DNAH8: variants seen among roughly 807,000 people sequenced by gnomAD.
DNAH8 encodes axonemal beta dynein heavy chain 8.
DNAH8 carries 382 observed loss-of-function variants against 562.1 expected under a neutral mutation model. The ratio of observed to expected loss-of-function variants is 0.68; its 90% CI spans 0.63 to 0.74. DNAH8 has a LOEUF of 0.74. Ranked by LOEUF, DNAH8 falls within the 30% of genes least tolerant of loss-of-function variation. The pLI is 0.00. For missense variants in DNAH8, 5,203 were observed against 5,620.4 expected, an observed-to-expected ratio of 0.93 and a Z score of 2.37; for synonymous variants, 1,881 against 1,919.4, an observed-to-expected ratio of 0.98 and a Z score of 0.52.
intron 88 of DNAH8, among the ~76,000 whole-genome samples, chr6:38,994,409 C>T (rs1764994367): frequency 6.6e-6 from 1 of 151,098 alleles, no homozygotes; most frequent in Admixed American, 6.6e-5. Context: ...TTTATGACTA[C>T]ATAAATTCTG....
rs1217668162 is a variant in DNAH8 at position 39,030,348 on chromosome 6, C to T, written c.14080C>T (p.His4694Tyr). The T allele has an allele frequency of 6.2e-7, 1 of 1,614,202 alleles. No individual in the cohort carries two copies. Among genetic ancestry groups the T allele is most frequent in the Non-Finnish European group, 8.5e-7 (1 of 1,180,028 alleles). ...VYLRTVLSPDHWILRGVALLC... is the reference protein window; with the variant it reads ...VYLRTVLSPDYWILRGVALLC... ...TTTACGAACAGTGTTGTCCCCGGAT[C>T]ACTGGATCCTGAGAGGAGTGGCCCT... The change falls in exon 93 of 93, where the codon CAC becomes TAC. Residue 4694 changes from histidine to tyrosine, a missense_variant. His to Tyr is a moderately conservative substitution (Grantham distance 83, BLOSUM62 2). Transcript: ENST00000327475.
intron 66 of DNAH8, 32 bp from the exon 67 acceptor site, chr6:38,913,817 C>G: frequency 5.7e-6 from 8 of 1,403,802 alleles, no homozygotes; most frequent in East Asian, 2.3e-5. Context: ...TACCTGTACT[C>G]AGTAAAGGTA....
intron 63 of DNAH8, among the ~76,000 whole-genome samples, chr6:38,907,127 A>G (rs1009534057): frequency 3.9e-5 from 6 of 152,250 alleles, no homozygotes; most frequent in African/African-American, 1.4e-4. Context: ...GCAACACAGT[A>G]AGGATACAGA....
chr6:38,764,926 C>A (rs970465031), intron 11 of DNAH8, among the ~76,000 whole-genome samples: 1 of 152,124 alleles, frequency 6.6e-6, no homozygotes, highest in Non-Finnish European at 1.5e-5. Flanking sequence ...CCTCTGCCTC[C>A]CAGGTTCAAG....
At chr6:38,771,449 A>G (rs1257297436) in intron 12 of DNAH8, among the ~76,000 whole-genome samples, 1 of 152,216 alleles carries the variant, frequency 6.6e-6, no homozygotes, top group Non-Finnish European at 1.5e-5. Context: ...AATGTTTTCT[A>G]GTGTATTAAC....
chr6:38,866,321 C>T (rs1055820493), intron 45 of DNAH8, among the ~76,000 whole-genome samples: 1 of 152,034 alleles, frequency 6.6e-6, no homozygotes, highest in Non-Finnish European at 1.5e-5. Context: ...CCAGCAGACA[C>T]AATTTTCTAT....
intron 53 of DNAH8, among the ~76,000 whole-genome samples, chr6:38,881,410 A>T (rs1379419144): frequency 6.6e-6 from 1 of 152,252 alleles, no homozygotes; most frequent in Non-Finnish European, 1.5e-5. Context: ...TAAACGTATC[A>T]ATGAAAGTAA....
chr6:38,734,480 GT>G lies in DNAH8; in HGVS notation c.618del (p.Arg207GlufsTer12), dbSNP rs754001184. The G allele has an allele frequency of 3.0e-5, 49 of 1,613,524 alleles. No individual in the cohort carries two copies. Among genetic ancestry groups the G allele is most frequent in the Non-Finnish European group, 3.9e-5 (46 of 1,179,898 alleles). ...QEGDVPGIEC[G>X]RTIAGATKGA... ...TCTTGACTTTTGTTTTCAGAATGTG[GT>G]CGAACTATTGCTGGAGCAACTAAAG... On this transcript the variant is annotated frameshift_variant, in exon 5 of 93. Coordinates refer to ENST00000327475, the MANE Select transcript of DNAH8 (RefSeq NM_001206927.2). LOFTEE classifies it high-confidence loss of function.
At chr6:38,850,228 A>G (rs1775635237) in intron 37 of DNAH8, 23 bp from the exon 38 acceptor site, 1 of 1,604,818 alleles carries the variant, frequency 6.2e-7, no homozygotes, top group South Asian at 1.1e-5. Context: ...GCTAATCTTT[A>G]CTGGCTATGG....
intron 17 of DNAH8, among the ~76,000 whole-genome samples, chr6:38,783,546 C>T (rs550099332): frequency 5.1e-4 from 78 of 152,300 alleles, no homozygotes; most frequent in African/African-American, 1.9e-3. Context: ...TCCTGTGTCT[C>T]TCCTTTACTT....
intron 41 of DNAH8, among the ~76,000 whole-genome samples, chr6:38,855,380 A>G (rs1276816460): frequency 6.6e-6 from 1 of 152,238 alleles, no homozygotes; most frequent in Non-Finnish European, 1.5e-5. Flanking sequence ...TAAAATAAAA[A>G]TAAAATAAAA....
chr6:38,794,027 T>A (rs1368585045), intron 21 of DNAH8, among the ~76,000 whole-genome samples: 2 of 152,228 alleles, frequency 1.3e-5, no homozygotes, highest in Admixed American at 6.5e-5. Flanking sequence ...TTTTACCAAG[T>A]TGGGACAACT....
chr6:38,913,117 CT>C (rs2150534371), intron 66 of DNAH8, among the ~76,000 whole-genome samples: 1 of 152,272 alleles, frequency 6.6e-6, no homozygotes, highest in South Asian at 2.1e-4. Context: ...ACTCTATTTT[CT>C]TATATCAATG....
chr6:38,957,927 A>G (rs1247571767), intron 82 of DNAH8, among the ~76,000 whole-genome samples: 5 of 151,548 alleles, frequency 3.3e-5, no homozygotes, highest in Admixed American at 2.6e-4. Flanking sequence ...TCAAGGAACT[A>G]GAAAGACAAG....
At chr6:38,779,150 G>T (rs1047735663) in intron 14 of DNAH8, among the ~76,000 whole-genome samples, 1 of 152,170 alleles carries the variant, frequency 6.6e-6, no homozygotes, top group Non-Finnish European at 1.5e-5. Flanking sequence ...CACAGGGAGG[G>T]CTCAAGACCT....
At chr6:38,723,244 C>G (rs1402326548) in intron 2 of DNAH8, 45 bp downstream of exon 2, 1 of 1,577,796 alleles carries the variant, frequency 6.3e-7, no homozygotes, top group Non-Finnish European at 8.6e-7. Context: ...TTTTCCTTAT[C>G]AAATACGAAA....
chr6:38,936,391 C>G (rs1401910540), intron 77 of DNAH8: 1 of 152,102 alleles, frequency 6.6e-6, no homozygotes, highest in African/African-American at 2.4e-5. Flanking sequence ...GATGTACTCT[C>G]TCTGCAATAT....
intron 91 of DNAH8, 78 bp from the exon 92 acceptor site, chr6:39,026,468 A>G (rs1767292030): frequency 7.1e-7 from 1 of 1,409,702 alleles, no homozygotes; most frequent in East Asian, 2.3e-5. Flanking sequence ...ATAAGCAAGT[A>G]ACACTTAACA....
At chr6:38,828,629 A>C (rs1773571284) in intron 30 of DNAH8, among the ~76,000 whole-genome samples, 1 of 152,140 alleles carries the variant, frequency 6.6e-6, no homozygotes, top group South Asian at 2.1e-4. Context: ...GTGTAAGTAC[A>C]CTCAATGATG....
Sources: gnomAD v4.1 joint callset for allele counts (sites outside exome capture counted in the v4.1 genomes callset) on GRCh38, gnomAD v4.1.1 for gene constraint, MANE v1.5 for transcripts, NCBI Gene and HGNC (gene_info 2026-07-23, HGNC 2026-07-21) for gene names.